The following AGBL4 variants were observed in gnomAD, a reference collection of about 807,000 sequenced individuals.
AGBL4 encodes the protein cytosolic carboxypeptidase 6.
In AGBL4, 58 loss-of-function variants were observed where a neutral mutation model predicts 66.4. The ratio of observed to expected loss-of-function variants is 0.87; its 90% CI spans 0.71 to 1.09. AGBL4 has a LOEUF of 1.09. Among genes scored for constraint, AGBL4 ranks in the 50% least tolerant of loss-of-function variants. The pLI is 0.00. For missense variants in AGBL4, 579 were observed against 631.0 expected, an observed-to-expected ratio of 0.92 and a Z score of 0.88; for synonymous variants, 234 against 222.9, an observed-to-expected ratio of 1.05 and a Z score of -0.44.
At chr1:48,712,958 C>T (rs1248609041) in intron 6 of AGBL4, among the ~76,000 whole-genome samples, 1 of 152,152 alleles carries the variant, frequency 6.6e-6, no homozygotes, top group African/African-American at 2.4e-5. Flanking sequence ...TGTACCAGTA[C>T]CTGTCTAAGA....
At chr1:48,724,370 T>A (rs1279317629) in intron 6 of AGBL4, among the ~76,000 whole-genome samples, 1 of 152,172 alleles carries the variant, frequency 6.6e-6, no homozygotes, top group Non-Finnish European at 1.5e-5. Flanking sequence ...CTAGCTCACT[T>A]TACCCCTGTG....
intron 1 of AGBL4, among the ~76,000 whole-genome samples, chr1:49,871,177 T>A (rs1203328945): frequency 1.3e-5 from 2 of 152,112 alleles, no homozygotes; most frequent in Non-Finnish European, 2.9e-5. Context: ...CTGTATTAGA[T>A]TAACAAGGTT....
chr1:48,850,225 C>T (rs1386423036), intron 6 of AGBL4, among the ~76,000 whole-genome samples: 1 of 152,206 alleles, frequency 6.6e-6, no homozygotes, highest in African/African-American at 2.4e-5. Context: ...TAGTGATGAT[C>T]TGCTTGGCTC....
At chr1:49,414,205 A>G (rs1645378627) in intron 3 of AGBL4, among the ~76,000 whole-genome samples, 1 of 152,206 alleles carries the variant, frequency 6.6e-6, no homozygotes, top group Non-Finnish European at 1.5e-5. Flanking sequence ...ACACATATAT[A>G]TAAGCCCATA....
At chr1:49,827,519 TA>T (rs979211848) in intron 2 of AGBL4, among the ~76,000 whole-genome samples, 4 of 152,202 alleles carry the variant, frequency 2.6e-5, no homozygotes, top group African/African-American at 7.2e-5. Context: ...TCGGATAGTT[TA>T]AAATATAGAA....
At position 48,802,762 on chromosome 1, in the gene AGBL4, C is replaced by T. The variant is rs1645838410; in HGVS notation, c.634+64429G>A. Among the ~76,000 whole-genome samples, 9 of 152,320 alleles carry T rather than the reference C, an allele frequency of 5.9e-5. No homozygotes were observed. In the South Asian group the frequency reaches 1.9e-3, roughly 32 times the overall value. On this transcript the variant is annotated intron_variant, in intron 6 of 13. Transcript: ENST00000371839. Reference sequence around the variant, plus strand: ...TCTCTAGGCCCTGCCTCTGGCACCACCCTCCATTATAACACATGGCCTATG... The same window carrying T: ...TCTCTAGGCCCTGCCTCTGGCACCATCCTCCATTATAACACATGGCCTATG...
intron 1 of AGBL4, among the ~76,000 whole-genome samples, chr1:49,880,445 TG>T (rs1318582072): frequency 6.6e-6 from 1 of 152,098 alleles, no homozygotes; most frequent in Non-Finnish European, 1.5e-5. Flanking sequence ...GTGCCCCTGC[TG>T]GGGGGTGCCT....
intron 3 of AGBL4, among the ~76,000 whole-genome samples, chr1:49,426,801 TC>T (rs1031291369): frequency 7.9e-5 from 12 of 152,160 alleles, no homozygotes; most frequent in Admixed American, 6.5e-4. Flanking sequence ...CTTCTACCTT[TC>T]CTGTGTCCTA....
intron 4 of AGBL4, among the ~76,000 whole-genome samples, chr1:49,185,757 C>G (rs1371492142): frequency 2.0e-5 from 3 of 152,140 alleles, no homozygotes; most frequent in Non-Finnish European, 4.4e-5. Flanking sequence ...CTGCCTAGTT[C>G]CCCGCCCTCG....
At chr1:49,635,879 C>T (rs956478883) in intron 3 of AGBL4, among the ~76,000 whole-genome samples, 1 of 152,160 alleles carries the variant, frequency 6.6e-6, no homozygotes, top group African/African-American at 2.4e-5. Context: ...AGTATGTATG[C>T]AACAGATATG....
At chr1:49,435,421 T>C (rs1051836206) in intron 3 of AGBL4, among the ~76,000 whole-genome samples, 1 of 152,206 alleles carries the variant, frequency 6.6e-6, no homozygotes, top group Non-Finnish European at 1.5e-5. Flanking sequence ...GCATCCAGTA[T>C]AGTGTGTGAT....
Position 48,742,855 on chromosome 1 carries a change from C to A in AGBL4, c.635-79614G>T, listed in dbSNP as rs566447623. On this transcript the variant is annotated intron_variant, in intron 6 of 13. Coordinates refer to ENST00000371839, the MANE Select transcript of AGBL4 (RefSeq NM_032785.4). ...TTTTAACTAGGCATCTATCAGCACA[C>A]CATGGCACAAAAAATTTGCTAGCTT... 2.5e-4 allele frequency: 335 copies of A among 1,343,698 alleles called. No individual in the cohort carries two copies. In the Middle Eastern group the frequency reaches 5.5e-3, roughly 22 times the overall value. 83.2% of individuals were successfully genotyped at this position (1,343,698 alleles called of 1,614,324 possible).
chr1:48,544,538 T>C (rs1460202824), intron 11 of AGBL4, among the ~76,000 whole-genome samples: 1 of 152,228 alleles, frequency 6.6e-6, no homozygotes, highest in African/African-American at 2.4e-5. Context: ...GTATACTTAC[T>C]CTTCCCTTGA....
chr1:49,753,560 C>G (rs570874334), intron 2 of AGBL4, among the ~76,000 whole-genome samples: 1 of 152,224 alleles, frequency 6.6e-6, no homozygotes, highest in East Asian at 1.9e-4. Flanking sequence ...GGTTGCTATT[C>G]TCAAGGAATA....
chr1:49,009,249 C>T (rs1557554387), intron 5 of AGBL4, among the ~76,000 whole-genome samples: 3 of 152,138 alleles, frequency 2.0e-5, no homozygotes, highest in Admixed American at 2.0e-4. Flanking sequence ...ACTACAAACA[C>T]CTCTACGCAA....
chr1:49,546,926 T>C (rs1652537316), intron 3 of AGBL4, among the ~76,000 whole-genome samples: 1 of 152,218 alleles, frequency 6.6e-6, no homozygotes, highest in East Asian at 1.9e-4. Flanking sequence ...ATGTATAGAT[T>C]GTGAAGATTT....
chr1:49,791,218 A>T (rs989687369), intron 2 of AGBL4, among the ~76,000 whole-genome samples: 5 of 152,126 alleles, frequency 3.3e-5, no homozygotes, highest in African/African-American at 9.7e-5. Context: ...TGAATGAATG[A>T]ATGTATGGAT....
At chr1:48,907,650 C>T (rs1010344819) in intron 5 of AGBL4, among the ~76,000 whole-genome samples, 42 of 152,240 alleles carry the variant, frequency 2.8e-4, no homozygotes, top group African/African-American at 5.3e-4. Flanking sequence ...CTTTTGGGGT[C>T]CCTGACCCTT....
At chr1:50,005,803 A>G (rs956165384) in intron 1 of AGBL4, among the ~76,000 whole-genome samples, 13 of 152,218 alleles carry the variant, frequency 8.5e-5, no homozygotes, top group Non-Finnish European at 1.6e-4. Context: ...TAACAAACAG[A>G]TTAAAATAAT....
Sources: gnomAD v4.1 joint callset for allele counts (sites outside exome capture counted in the v4.1 genomes callset) on GRCh38, gnomAD v4.1.1 for gene constraint, MANE v1.5 for transcripts, NCBI Gene and HGNC (gene_info 2026-07-23, HGNC 2026-07-21) for gene names.